MAPK10: variants seen among roughly 807,000 people sequenced by gnomAD.
MAPK10 encodes the protein JNK3 alpha protein kinase.
In MAPK10, 25 loss-of-function variants were observed where a neutral mutation model predicts 59.3. The observed-to-expected ratio is 0.42, with a 90% confidence interval of 0.31 to 0.59. MAPK10 has a LOEUF of 0.59. Among genes scored for constraint, MAPK10 ranks in the 20% least tolerant of loss-of-function variants. The pLI is 0.15. For missense variants in MAPK10, 351 were observed against 568.9 expected, an observed-to-expected ratio of 0.62 and a Z score of 3.90; for synonymous variants, 190 against 200.5, an observed-to-expected ratio of 0.95 and a Z score of 0.44.
chr4:86,515,177 T>A (rs1338972463), intron 1 of MAPK10, among the ~76,000 whole-genome samples: 1 of 152,240 alleles, frequency 6.6e-6, no homozygotes, highest in African/African-American at 2.4e-5. Flanking sequence ...AATAGCATTA[T>A]TTCATTCCTT....
At chr4:86,318,462 A>G (rs2095830939) in intron 2 of MAPK10, among the ~76,000 whole-genome samples, 1 of 152,204 alleles carries the variant, frequency 6.6e-6, no homozygotes, top group African/African-American at 2.4e-5. Flanking sequence ...GGCTGATTTT[A>G]GGCTCTCTTG....
At chr4:86,048,614 A>G (rs894487337) in intron 11 of MAPK10, among the ~76,000 whole-genome samples, 4 of 152,040 alleles carry the variant, frequency 2.6e-5, no homozygotes, top group Non-Finnish European at 2.9e-5. Flanking sequence ...TACATAAGTA[A>G]CATGAATCAA....
At chr4:86,269,268 T>C (rs2094354322) in intron 2 of MAPK10, among the ~76,000 whole-genome samples, 1 of 152,198 alleles carries the variant, frequency 6.6e-6, no homozygotes, top group Non-Finnish European at 1.5e-5. Context: ...AGTGAGTACA[T>C]TGCCCTGTCA....
At chr4:86,088,388 C>T (rs1246702211) in intron 9 of MAPK10, among the ~76,000 whole-genome samples, 1 of 152,034 alleles carries the variant, frequency 6.6e-6, no homozygotes, top group Non-Finnish European at 1.5e-5. Context: ...GTCTTGCTCT[C>T]TTGCCTAGGC....
At chr4:86,593,007 C>T (rs935285393) in intron 1 of MAPK10, among the ~76,000 whole-genome samples, 8 of 152,162 alleles carry the variant, frequency 5.3e-5, no homozygotes, top group African/African-American at 1.7e-4. Flanking sequence ...GTGTATTTTC[C>T]GTTGTGTTTA....
chr4:86,176,429 T>C (rs2075698217), intron 3 of MAPK10, among the ~76,000 whole-genome samples: 1 of 152,102 alleles, frequency 6.6e-6, no homozygotes, highest in African/African-American at 2.4e-5. Context: ...GCTCATAACA[T>C]CAAATTACAC....
chr4:86,309,887 T>G (rs2095636653), intron 2 of MAPK10, among the ~76,000 whole-genome samples: 1 of 152,116 alleles, frequency 6.6e-6, no homozygotes, highest in Non-Finnish European at 1.5e-5. Flanking sequence ...TACACCACTA[T>G]CCTTTGAACT....
chr4:86,074,267 T>G (rs1241298547), intron 9 of MAPK10, among the ~76,000 whole-genome samples: 1 of 143,484 alleles, frequency 7.0e-6, no homozygotes, highest in Non-Finnish European at 1.5e-5. Flanking sequence ...TCCATCCTTT[T>G]ATTTTGAGCC....
At chr4:86,498,005 A>AGGGAGAAGCAACTGAGCATGCT (rs1755016482) in intron 1 of MAPK10, among the ~76,000 whole-genome samples, 1 of 152,206 alleles carries the variant, frequency 6.6e-6, no homozygotes, top group Non-Finnish European at 1.5e-5. Flanking sequence ...TTGGTGTGTT[A>AGGGAGAAGCAACTGAGCATGCT]GGGAGAAGCA....
At chr4:86,431,741 T>C (rs1322657889) in intron 1 of MAPK10, among the ~76,000 whole-genome samples, 3 of 152,136 alleles carry the variant, frequency 2.0e-5, no homozygotes, top group Non-Finnish European at 4.4e-5. Flanking sequence ...GATGGCCAAA[T>C]ATACATATTT....
intron 2 of MAPK10, among the ~76,000 whole-genome samples, chr4:86,300,132 A>G (rs1323691246): frequency 6.6e-6 from 1 of 152,088 alleles, no homozygotes; most frequent in African/African-American, 2.4e-5. Flanking sequence ...ACCTCAAGTG[A>G]TCTGCCCACC....
chr4:86,179,740 A>C (rs995670754), intron 3 of MAPK10, among the ~76,000 whole-genome samples: 1 of 152,130 alleles, frequency 6.6e-6, no homozygotes, highest in East Asian at 1.9e-4. Context: ...AAGAACATAC[A>C]TTGGGGAAGG....
At chr4:86,294,006 C>T (rs2095295168) in intron 2 of MAPK10, among the ~76,000 whole-genome samples, 3 of 152,172 alleles carry the variant, frequency 2.0e-5, no homozygotes, top group Admixed American at 6.5e-5. Flanking sequence ...GTATAACCAG[C>T]ATGCAGGACA....
At chr4:86,318,394 T>C (rs562425728) in intron 2 of MAPK10, among the ~76,000 whole-genome samples, 14 of 152,214 alleles carry the variant, frequency 9.2e-5, no homozygotes, top group Admixed American at 5.9e-4. Flanking sequence ...AAAAACTATT[T>C]TGAACTAGAG....
At chr4:86,019,167 G>A (rs1744965058) in intron 13 of MAPK10, among the ~76,000 whole-genome samples, 1 of 152,122 alleles carries the variant, frequency 6.6e-6, no homozygotes. Context: ...TCAAATAAAC[G>A]GTAAGAACTG....
intron 2 of MAPK10, chr4:86,334,973 T>C (rs1278060743): frequency 4.0e-5 from 6 of 151,844 alleles, no homozygotes; most frequent in African/African-American, 1.5e-4. Flanking sequence ...GTTATATATA[T>C]ATTTGTATGT....
intron 2 of MAPK10, among the ~76,000 whole-genome samples, chr4:86,304,424 G>T (rs1386584456): frequency 3.4e-5 from 4 of 118,954 alleles, no homozygotes; most frequent in Non-Finnish European, 6.4e-5. Context: ...ACGGAGTCCC[G>T]CTGTTTAGCC....
At chr4:86,322,810 T>C (rs1306650735) in intron 2 of MAPK10, among the ~76,000 whole-genome samples, 1 of 152,228 alleles carries the variant, frequency 6.6e-6, no homozygotes, top group Non-Finnish European at 1.5e-5. Flanking sequence ...AGTCATTCCA[T>C]ATTTGAAATA....
chr4:86,417,307 A>G (rs1745979959), intron 1 of MAPK10, among the ~76,000 whole-genome samples: 1 of 152,166 alleles, frequency 6.6e-6, no homozygotes, highest in Admixed American at 6.5e-5. Flanking sequence ...ATACCTAAGT[A>G]TGGCTCAGTT....
Sources: allele counts gnomAD v4.1 joint callset (sites outside exome capture counted in the v4.1 genomes callset), GRCh38; gene constraint gnomAD v4.1.1; transcripts MANE v1.5; gene names NCBI Gene and HGNC (gene_info 2026-07-23, HGNC 2026-07-21).